The following RELCH variants were observed in gnomAD, a reference collection of about 807,000 sequenced individuals.
RELCH encodes the protein RAB11-binding protein RELCH.
In RELCH, 41 loss-of-function variants were observed where a neutral mutation model predicts 150.3. That is an observed-to-expected ratio of 0.27 (90% CI 0.21 to 0.35). RELCH has a LOEUF of 0.35. RELCH is among the 10% of genes least tolerant of loss of function. The probability of loss-of-function intolerance (pLI) is 1.00; values close to 1 mark genes in which losing one functional copy is unlikely to be tolerated. For missense variants in RELCH, 1,092 were observed against 1,467.8 expected (o/e 0.74, Z 4.18); for synonymous variants, 478 against 531.8 (o/e 0.90, Z 1.39).
At chr18:62,255,613 AAG>A (rs2042957441) in intron 13 of RELCH, 135 bp downstream of exon 13, 7 of 680,958 alleles carry the variant, frequency 1.0e-5, no homozygotes, top group Non-Finnish European at 1.8e-5. Context: ...TGATCCAAAA[AAG>A]AGACTCACAT....
At chr18:62,214,987 G>A (rs757617605) in intron 2 of RELCH, among the ~76,000 whole-genome samples, 1 of 152,074 alleles carries the variant, frequency 6.6e-6, no homozygotes, top group African/African-American at 2.4e-5. Flanking sequence ...GTCTTACCTG[G>A]CTTCCTTCTA....
intron 9 of RELCH, among the ~76,000 whole-genome samples, chr18:62,231,919 C>T (rs2041604990): frequency 6.6e-6 from 1 of 151,906 alleles, no homozygotes; most frequent in African/African-American, 2.4e-5. Flanking sequence ...CCTTAGCCTA[C>T]CCCTTGTATT....
intron 1 of RELCH, among the ~76,000 whole-genome samples, chr18:62,195,060 A>G (rs2038927145): frequency 6.6e-6 from 1 of 152,198 alleles, no homozygotes; most frequent in African/African-American, 2.4e-5. Flanking sequence ...ATCCATATTT[A>G]CAAAACATTC....
chr18:62,209,805 G>A (rs1267886328), intron 1 of RELCH, among the ~76,000 whole-genome samples: 3 of 151,920 alleles, frequency 2.0e-5, no homozygotes, highest in Non-Finnish European at 4.4e-5. Flanking sequence ...ACAATGTTTT[G>A]TAGTTTTTAC....
chr18:62,282,266 C>A (rs759740968), intron 24 of RELCH, 40 bp from the exon 25 acceptor site: 36 of 1,579,502 alleles, frequency 2.3e-5, no homozygotes, highest in Middle Eastern at 3.3e-4. Flanking sequence ...ACTCAGTTTT[C>A]AATATTCTAT....
chr18:62,275,793 G>A (rs540768887), intron 22 of RELCH, among the ~76,000 whole-genome samples: 5 of 151,618 alleles, frequency 3.3e-5, no homozygotes, highest in East Asian at 1.9e-4. Flanking sequence ...GATTTACTGA[G>A]GTAAATAAAC....
chr18:62,232,940 G>A (rs560063373), intron 10 of RELCH, among the ~76,000 whole-genome samples: 60 of 151,980 alleles, frequency 3.9e-4, no homozygotes, highest in African/African-American at 1.4e-3. Context: ...CTTATAATAG[G>A]ATAGTTGTAA....
Position 62,187,832 on chromosome 18 carries a change from C to T in RELCH, c.327C>T (p.Thr109=), listed in dbSNP as rs1346634216. Residue 109 remains threonine, a synonymous_variant, in exon 1 of 29, where the codon ACC becomes ACT. Transcript: ENST00000644646. ...TGTTGCGCGATCAATACTTGCTGAC[C>T]GCCCTGGAGCTGCATACCGAGCTGT... is the stretch of plus-strand genomic sequence containing the variant. ...AQLLRDQYLL[T]ALELHTELLE... 3 of 1,591,712 alleles carry T rather than the reference C, an allele frequency of 1.9e-6. No individual in the cohort carries two copies. Among genetic ancestry groups the T allele is most frequent in the Admixed American group, 3.6e-5 (2 of 55,274 alleles).
At chr18:62,240,658 C>A (rs1012848403) in intron 10 of RELCH, among the ~76,000 whole-genome samples, 1 of 151,906 alleles carries the variant, frequency 6.6e-6, no homozygotes, top group South Asian at 2.1e-4. Context: ...TTAATGAATT[C>A]TAAAAGTCCT....
intron 10 of RELCH, among the ~76,000 whole-genome samples, chr18:62,233,274 G>A (rs937148635): frequency 6.6e-6 from 1 of 151,584 alleles, no homozygotes; most frequent in African/African-American, 2.4e-5. Flanking sequence ...ATTTTATAAA[G>A]AATAAATGAA....
intron 20 of RELCH, among the ~76,000 whole-genome samples, chr18:62,272,270 T>C (rs17646053): frequency 0.16 from 24,732 of 152,120 alleles, 2,699 homozygotes; most frequent in Middle Eastern, 0.28. Context: ...TTCTCTAACT[T>C]TGGAAAGTGT....
intron 28 of RELCH, among the ~76,000 whole-genome samples, chr18:62,304,658 A>G (rs562968469): frequency 1.1e-3 from 163 of 152,372 alleles, no homozygotes; most frequent in African/African-American, 3.8e-3. Flanking sequence ...TTCCAAGTCT[A>G]TTACAGGACA....
intron 22 of RELCH, chr18:62,277,859 C>T: frequency 1.1e-6 from 1 of 912,198 alleles, no homozygotes; most frequent in South Asian, 5.0e-5. Context: ...AAAAGAGCTT[C>T]ATATATATTT....
rs1003773090 is a variant in RELCH, at chr18:62,242,656, A to C, written c.1621-2108A>C. ...TTTGGCACATCTGTAGCCATATTTC[A>C]GTTAAAATATTGTCCATATTAATGT... On this transcript the variant is annotated intron_variant, in intron 10 of 28. Coordinates refer to ENST00000644646, the MANE Select transcript of RELCH (RefSeq NM_001346231.2). Among the ~76,000 whole-genome samples the C allele has an allele frequency of 6.6e-5, 10 of 152,312 alleles. 1 individual carries two copies. The highest frequency in any genetic ancestry group is 6.8e-3 in the Middle Eastern group (2 of 294).
intron 20 of RELCH, among the ~76,000 whole-genome samples, chr18:62,269,833 A>G (rs888517157): frequency 2.0e-5 from 3 of 152,308 alleles, no homozygotes; most frequent in Admixed American, 6.5e-5. Context: ...GCCACAGCAA[A>G]TGATGACAGG....
chr18:62,227,501 T>G lies in RELCH; in HGVS notation c.1062+9T>G, dbSNP rs753309929. On this transcript the variant is annotated intron_variant, in intron 6 of 28. Transcript: ENST00000644646. ...CTCCCCAGCCTGCAGAGGTGAGAGA[T>G]AGCAACTAATTAGTCAAGTCCACAG... 4.4e-6 allele frequency: 7 copies of G among 1,608,342 alleles called. No homozygotes were observed. The East Asian group carries it at 8.9e-5, about 21-fold the overall frequency.
intron 1 of RELCH, among the ~76,000 whole-genome samples, chr18:62,203,415 C>T (rs1466444344): frequency 6.6e-6 from 1 of 152,214 alleles, no homozygotes; most frequent in African/African-American, 2.4e-5. Context: ...CGAGATTGCG[C>T]CACTGCACTC....
chr18:62,208,001 A>G (rs773848376), intron 1 of RELCH, among the ~76,000 whole-genome samples: 3 of 152,328 alleles, frequency 2.0e-5, no homozygotes, highest in African/African-American at 4.8e-5. Flanking sequence ...CAGCTGTACC[A>G]CTTTACATTA....
intron 28 of RELCH, among the ~76,000 whole-genome samples, chr18:62,304,501 G>A (rs946195161): frequency 5.9e-5 from 9 of 152,352 alleles, no homozygotes; most frequent in South Asian, 2.1e-4. Flanking sequence ...CTTGCCACAC[G>A]TTGTCTTTGA....
Sources: gnomAD v4.1 joint callset for allele counts (sites outside exome capture counted in the v4.1 genomes callset) on GRCh38, gnomAD v4.1.1 for gene constraint, MANE v1.5 for transcripts, NCBI Gene and HGNC (gene_info 2026-07-23, HGNC 2026-07-21) for gene names.